Variants in TAF15 observed in about 807,000 individuals in gnomAD.
TAF15 encodes the protein TATA-box binding protein associated factor 15, also known as TATA-binding protein-associated factor 2N.
In TAF15, 37 loss-of-function variants were observed where a neutral mutation model predicts 102.5. That is an observed-to-expected ratio of 0.36 (90% CI 0.28 to 0.47). The LOEUF (loss-of-function observed/expected upper bound fraction) is 0.47, where lower values mean the gene tolerates loss of function less well. Ranked by LOEUF, TAF15 falls within the 20% of genes least tolerant of loss-of-function variation. The pLI is 0.99. For synonymous variants in TAF15, 273 were observed against 259.2 expected (o/e 1.05, Z -0.51); for missense variants, 652 against 760.7 (o/e 0.86, Z 1.68).
chr17:35,844,057 C>T lies in TAF15; in HGVS notation c.1007-20C>T, dbSNP rs1481722941. On this transcript the variant is annotated intron_variant, in intron 12 of 15. Transcript: ENST00000605844. The stretch of plus-strand genomic sequence containing the variant: ...TTAATATCTGCTGCTGATTTTTCTC[C>T]CCTGGCCCCATCCCCCTAGGCCGTG... 9.3e-6 allele frequency: 15 copies of T among 1,611,406 alleles called. No individual in the cohort carries two copies. The highest frequency in any genetic ancestry group is 1.3e-5 in the Non-Finnish European group (15 of 1,177,620).
intron 10 of TAF15, among the ~76,000 whole-genome samples, chr17:35,837,300 T>C (rs1420394293): frequency 2.0e-5 from 3 of 151,896 alleles, no homozygotes; most frequent in East Asian, 2.0e-4. Context: ...CACTAATGCA[T>C]GTCCTCACAC....
chr17:35,832,985 C>T (rs1470359027), intron 7 of TAF15, among the ~76,000 whole-genome samples: 5 of 151,974 alleles, frequency 3.3e-5, no homozygotes, highest in African/African-American at 9.7e-5. Flanking sequence ...GGTGAAATCT[C>T]ATCTCTACTA....
chr17:35,811,125 A>C (rs1333610215), intron 1 of TAF15: 1 of 152,338 alleles, frequency 6.6e-6, no homozygotes, highest in Admixed American at 6.5e-5. Flanking sequence ...AAATTTACCA[A>C]GTTTTAATGG....
At chr17:35,843,879 C>G (rs1391537903) in intron 12 of TAF15, among the ~76,000 whole-genome samples, 198 bp from the exon 13 acceptor site, 1 of 152,122 alleles carries the variant, frequency 6.6e-6, no homozygotes. Context: ...TGTTGTGTGC[C>G]TAGGGTCTGT....
Position 35,809,540 on chromosome 17 carries a change from T to A in TAF15, c.-30T>A. 3 of 1,612,838 alleles carry A rather than the reference T, an allele frequency of 1.9e-6. No homozygotes were observed. The highest frequency in any genetic ancestry group is 2.5e-6 in the Non-Finnish European group (3 of 1,179,744). Reference sequence around the variant, plus strand: ...TTCGTATTCGTTGTTCTCGGCGGGCTGTGGGGCCTCCGCGCCGCGGCCGTT... The same window carrying A: ...TTCGTATTCGTTGTTCTCGGCGGGCAGTGGGGCCTCCGCGCCGCGGCCGTT... On this transcript the variant is annotated 5_prime_UTR_variant, in exon 1 of 16. Coordinates refer to ENST00000605844, the MANE Select transcript of TAF15 (RefSeq NM_139215.3).
chr17:35,810,913 A>G (rs1023982028), intron 1 of TAF15: 1 of 152,254 alleles, frequency 6.6e-6, no homozygotes, highest in Non-Finnish European at 1.5e-5. Context: ...TATAAACTGC[A>G]CTTCTTTCAG....
In TAF15 at chr17:35,831,734, C is replaced by G. The variant is rs147746092; in HGVS notation, c.606-2173C>G. 3.3e-5 allele frequency among the ~76,000 whole-genome samples: 5 copies of G among 152,212 alleles called. No homozygotes were observed. In the East Asian group the frequency reaches 7.7e-4, roughly 24 times the overall value. On this transcript the variant is annotated intron_variant, in intron 7 of 15. Coordinates refer to ENST00000605844, the MANE Select transcript of TAF15 (RefSeq NM_139215.3). ...TCATCTTTATCCTCGGAACTTTAACCTACTGGCATAAGAACGTGGGCTTAA... is the reference window on the plus strand; with the variant it reads ...TCATCTTTATCCTCGGAACTTTAACGTACTGGCATAAGAACGTGGGCTTAA...
At chr17:35,827,073 G>A (rs1427048016) in intron 7 of TAF15, among the ~76,000 whole-genome samples, 6 of 151,832 alleles carry the variant, frequency 4.0e-5, no homozygotes, top group Middle Eastern at 3.4e-3. Flanking sequence ...CAACACTCCC[G>A]TTTGTGTTCT....
chr17:35,834,430 T>C (rs1395075106), intron 8 of TAF15, 136 bp from the exon 9 acceptor site: 3 of 735,312 alleles, frequency 4.1e-6, no homozygotes, highest in Non-Finnish European at 6.9e-6. Flanking sequence ...ATATTTACTT[T>C]GTAAATCTGT....
In TAF15 at chr17:35,820,015, C is replaced by A; in HGVS notation, c.48-9C>A. 6.2e-7 allele frequency: 1 copy of A among 1,613,368 alleles called. No homozygotes were observed. The highest frequency in any genetic ancestry group is 1.1e-5 in the South Asian group (1 of 90,968). On this transcript the variant is annotated splice_polypyrimidine_tract_variant and intron_variant, in intron 2 of 15. Coordinates refer to ENST00000605844, the MANE Select transcript of TAF15 (RefSeq NM_139215.3). ...CATTTCTTTCAAGTATTAAATTTTT[C>A]TTTTGCAGTTATTCTACCTATGGAA...
In TAF15 at chr17:35,844,271, C is replaced by G. The variant is rs201444784; in HGVS notation, c.1089-9C>G. On this transcript the variant is annotated splice_polypyrimidine_tract_variant and intron_variant, in intron 13 of 15. Transcript: ENST00000605844. ...TATATAGGAGCATTATATTTTCCTC[C>G]TTTCTTAGGTCATGCGGAAATATGA... The G allele has an allele frequency of 6.2e-7, 1 of 1,614,076 alleles. No individual in the cohort carries two copies.
At chr17:35,817,431 G>C in intron 1 of TAF15, 1 of 404,854 alleles carries the variant, frequency 2.5e-6, no homozygotes, top group Non-Finnish European at 4.5e-6. Context: ...TATTGCTTAA[G>C]GTCTTGAGTC....
chr17:35,841,294 A>G (rs1432857351), intron 11 of TAF15, among the ~76,000 whole-genome samples: 2 of 152,358 alleles, frequency 1.3e-5, no homozygotes, highest in East Asian at 3.9e-4. Context: ...CAATGCATAT[A>G]AGCATATGTG....
intron 1 of TAF15, 86 bp from the exon 2 acceptor site, chr17:35,817,630 C>A (rs1382506437): frequency 1.2e-5 from 14 of 1,180,734 alleles, no homozygotes; most frequent in East Asian, 2.4e-5. Flanking sequence ...CATTTTCTTA[C>A]CACATTTCTT....
intron 11 of TAF15, among the ~76,000 whole-genome samples, chr17:35,840,532 G>A (rs978882146): frequency 1.3e-4 from 19 of 150,546 alleles, no homozygotes; most frequent in African/African-American, 4.1e-4. Context: ...GATTACAGGC[G>A]CTCACCACCG....
intron 5 of TAF15, 63 bp from the exon 6 acceptor site, chr17:35,822,577 C>T (rs1044168062): frequency 2.2e-5 from 33 of 1,523,680 alleles, no homozygotes; most frequent in Non-Finnish European, 2.7e-5. Flanking sequence ...TCAGTTTCAG[C>T]CAACTTGCTA....
chr17:35,814,846 C>CTT lies in TAF15; in HGVS notation c.8-2869_8-2868insTT, dbSNP rs1408925429. Among the ~76,000 whole-genome samples, 3 of 148,900 alleles carry CTT rather than the reference C, an allele frequency of 2.0e-5. No individual in the cohort carries two copies. The East Asian group carries it at 5.9e-4, about 29-fold the overall frequency. On this transcript the variant is annotated intron_variant, in intron 1 of 15. Transcript: ENST00000605844. ...CCATCCTGGGTGATAGAGTGAGACT[C>CTT]TGTCTCAAAAAAAAAAAGTGTGTGT...
At chr17:35,831,406 C>CAA (rs768297689) in intron 7 of TAF15, among the ~76,000 whole-genome samples, 78 of 77,524 alleles carry the variant, frequency 1.0e-3, no homozygotes, top group African/African-American at 2.9e-3. Context: ...GACTCCGTCG[C>CAA]AAAAAAAAAA....
chr17:35,838,302 A>C (rs2087500430), intron 10 of TAF15, 122 bp from the exon 11 acceptor site: 1 of 1,290,986 alleles, frequency 7.7e-7, no homozygotes, highest in Non-Finnish European at 1.1e-6. Context: ...TATTAGGTGC[A>C]TAGTATTTTA....
Sources: allele counts gnomAD v4.1 joint callset (sites outside exome capture counted in the v4.1 genomes callset), GRCh38; gene constraint gnomAD v4.1.1; transcripts MANE v1.5; gene names NCBI Gene and HGNC (gene_info 2026-07-23, HGNC 2026-07-21).